Variants in NAA35 observed in about 807,000 individuals in gnomAD.
NAA35 encodes MAK10 homolog, amino-acid N-acetyltransferase subunit.
Under a neutral mutation model 101.7 loss-of-function variants are expected in NAA35, and 18 were observed. The observed-to-expected ratio is 0.18, with a 90% CI of 0.12 to 0.26. NAA35 has a LOEUF of 0.26. Ranked by LOEUF, NAA35 falls within the 10% of genes least tolerant of loss-of-function variation. NAA35 has a pLI of 1.00. For missense variants in NAA35, 601 were observed against 886.8 expected, an observed-to-expected ratio of 0.68 and a Z score of 4.09; for synonymous variants, 267 against 273.1, an observed-to-expected ratio of 0.98 and a Z score of 0.22.
intron 6 of NAA35, 50 bp from the exon 7 acceptor site, chr9:85,974,917 A>G (rs1830146659): frequency 7.5e-7 from 1 of 1,337,850 alleles, no homozygotes; most frequent in Non-Finnish European, 1.0e-6. Context: ...TTTTGCCGCT[A>G]TTTAAGGTTT....
intron 2 of NAA35, among the ~76,000 whole-genome samples, chr9:85,944,959 T>C (rs559484127): frequency 6.6e-6 from 1 of 152,354 alleles, no homozygotes; most frequent in South Asian, 2.1e-4. Flanking sequence ...AAAGGTCCTC[T>C]TAATTTTAGT....
In NAA35 at chr9:86,003,663, C is replaced by A. The variant is rs1176450790; in HGVS notation, c.1116+19C>A. Reference sequence around the variant, plus strand: ...GTTACAAGTAAGTTCCACTTAGTATCAAAATACTTATTTAAACATTATATG... The same window carrying A: ...GTTACAAGTAAGTTCCACTTAGTATAAAAATACTTATTTAAACATTATATG... On this transcript the variant is annotated intron_variant, in intron 13 of 22. Transcript: ENST00000361671. The A allele has an allele frequency of 6.8e-6, 10 of 1,461,842 alleles. No homozygotes were observed. The highest frequency in any genetic ancestry group is 3.6e-5 in the South Asian group (3 of 83,022). 90.6% of individuals were successfully genotyped at this position (1,461,842 alleles called of 1,614,324 possible).
At chr9:86,013,966 T>A (rs1832077523) in intron 17 of NAA35, 69 bp downstream of exon 17, 1 of 1,238,812 alleles carries the variant, frequency 8.1e-7, no homozygotes, top group Non-Finnish European at 1.1e-6. Flanking sequence ...TCAGAGTTAA[T>A]TTCAGGGTAC....
chr9:85,957,500 C>T (rs1380512626), intron 3 of NAA35, among the ~76,000 whole-genome samples: 6 of 152,120 alleles, frequency 3.9e-5, no homozygotes, highest in African/African-American at 1.4e-4. Context: ...CCTGGGAGGG[C>T]ATTAATCTAT....
In NAA35 at chr9:85,950,745, C is replaced by T. The variant is rs138269243; in HGVS notation, c.125-5615C>T. Among the ~76,000 whole-genome samples, 247 of 152,076 alleles carry T rather than the reference C, an allele frequency of 1.6e-3. 1 individual carries two copies. Among genetic ancestry groups the T allele is most frequent in the African/African-American group, 3.8e-3 (157 of 41,442 alleles). On this transcript the variant is annotated intron_variant, in intron 2 of 22. Coordinates refer to ENST00000361671, the MANE Select transcript of NAA35 (RefSeq NM_024635.4). ...TTTCCAAACTTTTCGGTCTTAGGAC[C>T]CCATTATACTTTTTAAAATTATAGT...
chr9:85,952,820 C>A (rs1829078740), intron 2 of NAA35, among the ~76,000 whole-genome samples: 1 of 152,190 alleles, frequency 6.6e-6, no homozygotes, highest in Non-Finnish European at 1.5e-5. Flanking sequence ...TCACTTACTG[C>A]ACCTTGGCCC....
intron 11 of NAA35, among the ~76,000 whole-genome samples, chr9:85,994,467 A>G (rs1258993495): frequency 6.6e-6 from 1 of 152,254 alleles, no homozygotes. Flanking sequence ...TAAAATAGCC[A>G]AGGAGTGCAG....
At chr9:85,973,878 GT>G (rs967776331) in intron 6 of NAA35, among the ~76,000 whole-genome samples, 33 of 144,588 alleles carry the variant, frequency 2.3e-4, no homozygotes, top group East Asian at 1.8e-3. Flanking sequence ...GATGCTCACT[GT>G]TTTTTTTTTT....
chr9:85,981,425 C>G (rs530739784), intron 11 of NAA35, among the ~76,000 whole-genome samples: 86 of 152,158 alleles, frequency 5.7e-4, no homozygotes, highest in Admixed American at 1.4e-3. Flanking sequence ...CTGGATGTTT[C>G]TTTTTGCCAT....
At chr9:86,003,315 T>C (rs1831494750) in intron 12 of NAA35, among the ~76,000 whole-genome samples, 1 of 152,228 alleles carries the variant, frequency 6.6e-6, no homozygotes, top group Non-Finnish European at 1.5e-5. Context: ...ATTATTGGTA[T>C]TATTTTTATG....
chr9:85,990,571 G>A (rs151175606), intron 11 of NAA35, among the ~76,000 whole-genome samples: 10 of 152,254 alleles, frequency 6.6e-5, no homozygotes, highest in Admixed American at 2.6e-4. Flanking sequence ...ATACAGCAAA[G>A]AATGAATGAT....
intron 14 of NAA35, among the ~76,000 whole-genome samples, chr9:86,008,792 T>A (rs1039583347): frequency 6.6e-6 from 1 of 152,202 alleles, no homozygotes; most frequent in Non-Finnish European, 1.5e-5. Flanking sequence ...ATTTGAAACT[T>A]CTTCTGAAGC....
Position 86,003,697 on chromosome 9 carries a change from C to A in NAA35, c.1116+53C>A, listed in dbSNP as rs548438687. 6.5e-6 allele frequency: 7 copies of A among 1,070,214 alleles called. No individual in the cohort carries two copies. The Admixed American group carries it at 8.4e-5, about 13-fold the overall frequency. 66.3% of individuals were successfully genotyped at this position (1,070,214 alleles called of 1,614,324 possible). A position where few individuals can be genotyped will look rare whatever the true frequency, so the allele number is the denominator to read the frequency against. On this transcript the variant is annotated intron_variant, in intron 13 of 22. Coordinates refer to ENST00000361671, the MANE Select transcript of NAA35 (RefSeq NM_024635.4). Reference sequence around the variant, plus strand: ...TATTTAAACATTATATGTGTATTGACATTGTTTTATTGATTGATTGAACAA... The same window carrying A: ...TATTTAAACATTATATGTGTATTGAAATTGTTTTATTGATTGATTGAACAA...
intron 12 of NAA35, among the ~76,000 whole-genome samples, chr9:85,999,889 G>A (rs190052268): frequency 6.6e-6 from 1 of 152,310 alleles, no homozygotes; most frequent in Admixed American, 6.5e-5. Flanking sequence ...CCCACACTCT[G>A]TAGATGTTAG....
At chr9:85,942,964 CTTT>C (rs1352257018) in intron 2 of NAA35, among the ~76,000 whole-genome samples, 3 of 152,172 alleles carry the variant, frequency 2.0e-5, no homozygotes, top group African/African-American at 7.2e-5. Flanking sequence ...AGTTGAATCA[CTTT>C]TTATTTTCTT....
chr9:86,021,079 T>G, intron 22 of NAA35, 110 bp downstream of exon 22: 1 of 764,436 alleles, frequency 1.3e-6, no homozygotes, highest in East Asian at 3.0e-5. Flanking sequence ...TGAACAAAAA[T>G]CATTCTAAAA....
In NAA35 at chr9:85,978,384, A is replaced by G. The variant is rs1214978263; in HGVS notation, c.877+3A>G. ...CCAGAATGATACTACAAAAGGAGGT[A>G]ATTGTTCAATTTGCTCCTACTCTTT... On this transcript the variant is annotated splice_donor_region_variant and intron_variant, in intron 11 of 22. Transcript: ENST00000361671. 1 of 1,552,700 alleles carries G rather than the reference A, an allele frequency of 6.4e-7. No homozygotes were observed. Among genetic ancestry groups the G allele is most frequent in the Admixed American group, 1.7e-5 (1 of 59,872 alleles).
chr9:85,989,647 A>C (rs1189377192), intron 11 of NAA35, among the ~76,000 whole-genome samples: 6 of 152,238 alleles, frequency 3.9e-5, no homozygotes, highest in African/African-American at 1.4e-4. Context: ...GACTGAAATC[A>C]GGAATGAAAT....
intron 15 of NAA35, among the ~76,000 whole-genome samples, chr9:86,010,400 C>T (rs920324360): frequency 4.6e-5 from 7 of 151,756 alleles, no homozygotes; most frequent in Non-Finnish European, 8.8e-5. Context: ...ATCCTAAGGT[C>T]TTCTGATAGG....
Sources: gnomAD v4.1 joint callset for allele counts (sites outside exome capture counted in the v4.1 genomes callset) on GRCh38, gnomAD v4.1.1 for gene constraint, MANE v1.5 for transcripts, NCBI Gene and HGNC (gene_info 2026-07-23, HGNC 2026-07-21) for gene names.